Variants in RCOR1 observed in about 807,000 individuals in gnomAD.
RCOR1 encodes REST corepressor 1, also known as REST corepressor.
RCOR1 carries 12 observed loss-of-function variants against 64.0 expected under a neutral mutation model. The ratio of observed to expected loss-of-function variants is 0.19; its 90% CI spans 0.12 to 0.30. The LOEUF (loss-of-function observed/expected upper bound fraction) is 0.30. RCOR1 is among the 10% of genes least tolerant of loss of function. The probability of loss-of-function intolerance (pLI) is 1.00; values close to 1 mark genes in which losing one functional copy is unlikely to be tolerated. For synonymous variants in RCOR1, 279 were observed against 227.2 expected (o/e 1.23, Z -2.05); for missense variants, 502 against 621.2 (o/e 0.81, Z 2.04).
intron 2 of RCOR1, among the ~76,000 whole-genome samples, chr14:102,596,642 G>A (rs1443081082): frequency 6.6e-6 from 1 of 151,818 alleles, no homozygotes; most frequent in Non-Finnish European, 1.5e-5. Flanking sequence ...TTGGCTCACT[G>A]CAACCTCCAC....
At chr14:102,722,003 G>A (rs1197232360) in intron 10 of RCOR1, among the ~76,000 whole-genome samples, 184 bp from the exon 11 acceptor site, 1 of 152,064 alleles carries the variant, frequency 6.6e-6, no homozygotes, top group East Asian at 1.9e-4. Context: ...TGACAGGGTC[G>A]GTCATCTCCA....
At chr14:102,594,133 G>A (rs188711119) in intron 2 of RCOR1, among the ~76,000 whole-genome samples, 4 of 152,306 alleles carry the variant, frequency 2.6e-5, no homozygotes, top group African/African-American at 7.2e-5. Flanking sequence ...AATCCGATCA[G>A]ACAAAGGAAT....
At chr14:102,697,636 A>G (rs1341175589) in intron 3 of RCOR1, among the ~76,000 whole-genome samples, 1 of 150,146 alleles carries the variant, frequency 6.7e-6, no homozygotes, top group Non-Finnish European at 1.5e-5. Flanking sequence ...TAGTAGACAC[A>G]CCATGTGTCT....
intron 2 of RCOR1, among the ~76,000 whole-genome samples, chr14:102,656,509 C>CT (rs1894727063): frequency 6.6e-6 from 1 of 152,016 alleles, no homozygotes; most frequent in Non-Finnish European, 1.5e-5. Flanking sequence ...GAGTCTCACT[C>CT]TGTCACCCAG....
rs1423980195 is a variant in RCOR1 at position 102,600,656 on chromosome 14, C to T, written c.361+7331C>T. On this transcript the variant is annotated intron_variant, in intron 2 of 11. Transcript: ENST00000262241. ...CGTGATCTCAGCTCACTGCAAGTTC[C>T]GCCTCCTGGGTTCACGCCATTCTCC... Among the ~76,000 whole-genome samples the T allele has an allele frequency of 4.7e-5, 7 of 150,494 alleles. No homozygotes were observed. The South Asian group carries it at 6.3e-4, about 14-fold the overall frequency.
intron 2 of RCOR1, among the ~76,000 whole-genome samples, chr14:102,594,595 A>G (rs1378218979): frequency 6.6e-6 from 1 of 151,576 alleles, no homozygotes; most frequent in Non-Finnish European, 1.5e-5. Flanking sequence ...TATTTGTCTA[A>G]TACTCGCGTT....
At chr14:102,610,539 C>G (rs575425552) in intron 2 of RCOR1, among the ~76,000 whole-genome samples, 1 of 152,036 alleles carries the variant, frequency 6.6e-6, no homozygotes, top group African/African-American at 2.4e-5. Context: ...GAAATGAAAG[C>G]TTCATTATTA....
rs552519074 is a variant in RCOR1 at position 102,691,655 on chromosome 14, A to G, written c.446-9623A>G. Among the ~76,000 whole-genome samples, 22 of 152,336 alleles carry G rather than the reference A, an allele frequency of 1.4e-4. No individual in the cohort carries two copies. In the East Asian group the frequency reaches 4.0e-3, roughly 28 times the overall value. On this transcript the variant is annotated intron_variant, in intron 3 of 11. Transcript: ENST00000262241. ...ACTTTAATTTTTTTAAGTGCTCTAGAACTAGCTAAAATGGGCAAAACGTAC... is the reference window on the plus strand; with the variant it reads ...ACTTTAATTTTTTTAAGTGCTCTAGGACTAGCTAAAATGGGCAAAACGTAC...
chr14:102,646,911 T>C (rs1894487565), intron 2 of RCOR1, among the ~76,000 whole-genome samples: 1 of 152,148 alleles, frequency 6.6e-6, no homozygotes, highest in Admixed American at 6.5e-5. Flanking sequence ...AATTATGATA[T>C]AATATTAGTA....
intron 2 of RCOR1, among the ~76,000 whole-genome samples, chr14:102,615,077 C>T (rs912719565): frequency 6.6e-6 from 1 of 151,826 alleles, no homozygotes; most frequent in African/African-American, 2.4e-5. Flanking sequence ...GTGATGTGCC[C>T]GCCTTGGCCT....
chr14:102,594,162 T>C (rs1893195208), intron 2 of RCOR1, among the ~76,000 whole-genome samples: 1 of 152,162 alleles, frequency 6.6e-6, no homozygotes. Flanking sequence ...TTTTAATGCA[T>C]GAGATTCTAG....
intron 2 of RCOR1, among the ~76,000 whole-genome samples, chr14:102,649,500 G>A (rs891392724): frequency 1.3e-5 from 2 of 152,206 alleles, no homozygotes; most frequent in African/African-American, 4.8e-5. Flanking sequence ...TGTCATAGAT[G>A]TGTGACTTCT....
At position 102,602,378 on chromosome 14, in the gene RCOR1, T is replaced by C. The variant is rs534853128; in HGVS notation, c.361+9053T>C. Among the ~76,000 whole-genome samples the C allele has an allele frequency of 2.3e-5, 3 of 129,462 alleles. No homozygotes were observed. The East Asian group carries it at 6.8e-4, about 29-fold the overall frequency. The allele number at this position is 129,462 out of a possible 152,430, so 84.9% of individuals were successfully genotyped here. ...TTAATGGCTTATATTAGCATTTTTT[T>C]CTTTTCTTTTCTTTTCTTTTTTTTT... On this transcript the variant is annotated intron_variant, in intron 2 of 11. Coordinates refer to ENST00000262241, the MANE Select transcript of RCOR1 (RefSeq NM_015156.4).
At chr14:102,655,969 A>ACC in intron 2 of RCOR1, 1 of 982,978 alleles carries the variant, frequency 1.0e-6, no homozygotes, top group South Asian at 4.7e-5. Flanking sequence ...ACACACACAC[A>ACC]CACACACACA....
intron 2 of RCOR1, among the ~76,000 whole-genome samples, chr14:102,628,457 T>TTC (rs763203451): frequency 1.3e-4 from 19 of 151,370 alleles, no homozygotes; most frequent in South Asian, 2.1e-4. Flanking sequence ...TCCCCCGCTT[T>TTC]TCTCTCTCTC....
chr14:102,671,139 G>A (rs916867407), intron 2 of RCOR1, among the ~76,000 whole-genome samples: 6 of 152,084 alleles, frequency 3.9e-5, no homozygotes, highest in Non-Finnish European at 7.4e-5. Flanking sequence ...CATTGTTTTC[G>A]CTTCCCCTTC....
intron 3 of RCOR1, among the ~76,000 whole-genome samples, chr14:102,685,062 T>TTGTGTG (rs56684051): frequency 4.7e-5 from 7 of 150,522 alleles, no homozygotes; most frequent in South Asian, 4.2e-4. Flanking sequence ...CTGGCTTTTC[T>TTGTGTG]TGTGTGTGTG....
chr14:102,683,474 G>C (rs2139962358), intron 3 of RCOR1, among the ~76,000 whole-genome samples: 1 of 152,358 alleles, frequency 6.6e-6, no homozygotes, highest in Non-Finnish European at 1.5e-5. Flanking sequence ...GCACGGAAAA[G>C]AAGCCAGAGC....
At chr14:102,598,341 A>G (rs899996312) in intron 2 of RCOR1, among the ~76,000 whole-genome samples, 2 of 152,082 alleles carry the variant, frequency 1.3e-5, no homozygotes, top group South Asian at 2.1e-4. Context: ...AGCTAAGACT[A>G]TCTGATATTT....
Sources: allele counts gnomAD v4.1 joint callset (sites outside exome capture counted in the v4.1 genomes callset), GRCh38; gene constraint gnomAD v4.1.1; transcripts MANE v1.5; gene names NCBI Gene and HGNC (gene_info 2026-07-23, HGNC 2026-07-21).